The following FGF14 variants were observed in gnomAD, a reference collection of about 807,000 sequenced individuals.
The protein encoded by FGF14 is fibroblast growth factor homologous factor 4.
FGF14 carries 5 observed loss-of-function variants against 25.5 expected under a neutral mutation model. The ratio of observed to expected loss-of-function variants is 0.20; its 90% confidence interval spans 0.10 to 0.41. FGF14 has a LOEUF of 0.41. Among genes scored for constraint, FGF14 ranks in the 10% least tolerant of loss-of-function variants. FGF14 has a pLI of 1.00. For missense variants in FGF14, 222 were observed against 320.1 expected (o/e 0.69, Z 2.34); for synonymous variants, 138 against 118.3 (o/e 1.17, Z -1.08).
chr13:102,334,442 C>T (rs1439892016), intron 1 of FGF14, among the ~76,000 whole-genome samples: 2 of 152,122 alleles, frequency 1.3e-5, no homozygotes, highest in Admixed American at 1.3e-4. Context: ...TAAATTACTG[C>T]AGCCAGAAAA....
intron 3 of FGF14, among the ~76,000 whole-genome samples, chr13:101,803,578 AGT>A (rs2140146897): frequency 5.1e-5 from 1 of 19,502 alleles, no homozygotes; most frequent in African/African-American, 2.0e-4. Flanking sequence ...GTTAATAAAC[AGT>A]AATTGTATGT....
At chr13:101,952,985 G>A (rs1415461524) in intron 1 of FGF14, among the ~76,000 whole-genome samples, 1 of 152,198 alleles carries the variant, frequency 6.6e-6, no homozygotes, top group East Asian at 1.9e-4. Context: ...AGTGAGCCAA[G>A]ATTGCACCAC....
intron 1 of FGF14, among the ~76,000 whole-genome samples, chr13:102,137,762 G>C (rs2046474276): frequency 6.6e-6 from 1 of 151,938 alleles, no homozygotes; most frequent in Non-Finnish European, 1.5e-5. Flanking sequence ...TTGTACTATT[G>C]TGTTATTGTC....
At chr13:101,964,064 C>T (rs1184916364) in intron 1 of FGF14, among the ~76,000 whole-genome samples, 3 of 152,104 alleles carry the variant, frequency 2.0e-5, no homozygotes, top group African/African-American at 7.2e-5. Context: ...GAAACATGAC[C>T]ATCTTAAAAC....
chr13:102,376,276 T>C (rs2058038384), intron 1 of FGF14, among the ~76,000 whole-genome samples: 1 of 152,216 alleles, frequency 6.6e-6, no homozygotes, highest in Non-Finnish European at 1.5e-5. Context: ...CTCTTGCCTG[T>C]CACCATGTAA....
intron 1 of FGF14, among the ~76,000 whole-genome samples, chr13:102,274,450 C>A (rs1415056): frequency 0.012 from 1,850 of 152,202 alleles, 34 homozygotes; most frequent in African/African-American, 0.042. Flanking sequence ...CTACCCCCAC[C>A]CACACAAACC....
Position 102,208,461 on chromosome 13 carries a change from G to A in FGF14, c.208+193010C>T, listed in dbSNP as rs79196285. On this transcript the variant is annotated intron_variant, in intron 1 of 4. Coordinates refer to the FGF14 transcript ENST00000376131. ...ATTAGCAGATCACACACTCCTATCA[G>A]TTTATCTTGTGAATATCATAAATAC... 8.7e-3 allele frequency among the ~76,000 whole-genome samples: 1,317 copies of A among 152,228 alleles called. 16 individuals carry two copies. The highest frequency in any genetic ancestry group is 0.029 in the African/African-American group (1,219 of 41,528).
intron 3 of FGF14, among the ~76,000 whole-genome samples, chr13:101,854,946 C>T (rs1566320146): frequency 6.6e-6 from 1 of 151,928 alleles, no homozygotes; most frequent in Non-Finnish European, 1.5e-5. Flanking sequence ...AGAAAAATAC[C>T]TATGAGTACA....
intron 1 of FGF14, among the ~76,000 whole-genome samples, chr13:102,186,612 T>C (rs749776800): frequency 6.6e-6 from 1 of 152,194 alleles, no homozygotes; most frequent in Admixed American, 6.5e-5. Context: ...CACGTAAAGT[T>C]TGACATGTCT....
chr13:101,960,030 AT>A (rs2036749271), intron 1 of FGF14, among the ~76,000 whole-genome samples: 1 of 152,250 alleles, frequency 6.6e-6, no homozygotes, highest in African/African-American at 2.4e-5. Context: ...TAACGAACAT[AT>A]TTATTGAATA....
At chr13:102,156,369 T>C (rs2047338884) in intron 1 of FGF14, among the ~76,000 whole-genome samples, 1 of 152,142 alleles carries the variant, frequency 6.6e-6, no homozygotes, top group Non-Finnish European at 1.5e-5. Flanking sequence ...CAAAAATCAA[T>C]AAATGTAATC....
intron 1 of FGF14, among the ~76,000 whole-genome samples, chr13:102,397,011 C>T (rs1400345835): frequency 6.6e-6 from 1 of 152,122 alleles, no homozygotes; most frequent in Non-Finnish European, 1.5e-5. Context: ...CTGTTCCAGA[C>T]GTGCAGTCTG....
At chr13:101,880,129 T>G (rs2045618727) in intron 1 of FGF14, among the ~76,000 whole-genome samples, 1 of 152,060 alleles carries the variant, frequency 6.6e-6, no homozygotes, top group Non-Finnish European at 1.5e-5. Context: ...TACTTCAGAG[T>G]GATTACCCAA....
At chr13:101,726,540 G>A in intron 4 of FGF14, 72 bp downstream of exon 4, 1 of 1,411,146 alleles carries the variant, frequency 7.1e-7, no homozygotes, top group Non-Finnish European at 1.0e-6. Flanking sequence ...TTAGAGCCAT[G>A]GTAGACCTAT....
chr13:102,021,325 G>C (rs1030381235), intron 1 of FGF14, among the ~76,000 whole-genome samples: 5 of 152,080 alleles, frequency 3.3e-5, no homozygotes, highest in Non-Finnish European at 7.4e-5. Flanking sequence ...GAGCTAAGTA[G>C]AGGCTTCGTA....
chr13:102,263,184 TAA>T lies in FGF14; in HGVS notation c.208+138285_208+138286del, dbSNP rs2052804810. On this transcript the variant is annotated intron_variant, in intron 1 of 4. Coordinates refer to the FGF14 transcript ENST00000376131. ...AGGAATCCTAAAAGTCTTTTAACCC[TAA>T]AAGTCTTGTGAGAAGACATGGCGAG... The T allele has an allele frequency of 7.1e-6, 4 of 560,190 alleles. No homozygotes were observed. The Admixed American group carries it at 8.2e-5, about 12-fold the overall frequency. The allele number at this position is 560,190 out of a possible 1,614,324, so 34.7% of individuals were successfully genotyped here. A position where few individuals can be genotyped will look rare whatever the true frequency, so the allele number is the denominator to read the frequency against.
intron 4 of FGF14, among the ~76,000 whole-genome samples, chr13:101,723,913 G>T (rs1465087205): frequency 1.3e-5 from 2 of 152,008 alleles, no homozygotes; most frequent in Non-Finnish European, 2.9e-5. Flanking sequence ...AAAGTTTAAG[G>T]TATTTTACGA....
chr13:102,254,423 T>C (rs567573691), intron 1 of FGF14, among the ~76,000 whole-genome samples: 1 of 152,268 alleles, frequency 6.6e-6, no homozygotes, highest in Non-Finnish European at 1.5e-5. Flanking sequence ...TCCTCATAGT[T>C]GGGTTTACAG....
At chr13:101,817,975 C>G (rs1294056772) in intron 3 of FGF14, among the ~76,000 whole-genome samples, 1 of 152,182 alleles carries the variant, frequency 6.6e-6, no homozygotes, top group African/African-American at 2.4e-5. Flanking sequence ...TATGCCATCT[C>G]ATTTTTCTTC....
Sources: allele counts gnomAD v4.1 joint callset (sites outside exome capture counted in the v4.1 genomes callset), GRCh38; gene constraint gnomAD v4.1.1; transcripts MANE v1.5; gene names NCBI Gene and HGNC (gene_info 2026-07-23, HGNC 2026-07-21).